MGAT5: variants seen among roughly 807,000 people sequenced by gnomAD.
MGAT5 encodes the protein alpha-1,6-mannosylglycoprotein 6-beta-N-acetylglucosaminyltransferase A.
MGAT5 carries 30 observed loss-of-function variants against 94.3 expected under a neutral mutation model. That is an observed-to-expected ratio of 0.32 (90% CI 0.24 to 0.43). MGAT5 has a LOEUF of 0.43. Ranked by LOEUF, MGAT5 falls within the 20% of genes least tolerant of loss-of-function variation. The pLI is 1.00. For missense variants in MGAT5, 691 were observed against 905.5 expected (o/e 0.76, Z 3.04); for synonymous variants, 310 against 322.9 (o/e 0.96, Z 0.43).
At chr2:134,422,731 G>A in intron 12 of MGAT5, 72 bp from the exon 13 acceptor site, 1 of 1,110,330 alleles carries the variant, frequency 9.0e-7, no homozygotes, top group South Asian at 1.3e-5. Flanking sequence ...ACCATAAAAA[G>A]CATAGCACTC....
chr2:134,247,375 CAAAA>C (rs71398602), intron 1 of MGAT5, among the ~76,000 whole-genome samples: 1 of 122,442 alleles, frequency 8.2e-6, no homozygotes, highest in African/African-American at 3.5e-5. Context: ...AAAAAAAAAA[CAAAA>C]AAAAAACGTA....
chr2:134,331,592 A>C (rs1207855068), intron 4 of MGAT5, among the ~76,000 whole-genome samples: 1 of 152,058 alleles, frequency 6.6e-6, no homozygotes, highest in Non-Finnish European at 1.5e-5. Flanking sequence ...AGGCCATAAA[A>C]GCTGGGTAGA....
intron 1 of MGAT5, among the ~76,000 whole-genome samples, chr2:134,125,505 C>T (rs1685801865): frequency 6.6e-6 from 1 of 152,182 alleles, no homozygotes; most frequent in South Asian, 2.1e-4. Context: ...TAGCTGAGGT[C>T]ACCGAGGTGC....
intron 11 of MGAT5, among the ~76,000 whole-genome samples, 200 bp downstream of exon 11, chr2:134,403,337 C>A (rs1683162479): frequency 6.6e-6 from 1 of 152,036 alleles, no homozygotes; most frequent in Admixed American, 6.5e-5. Context: ...TTGATTTATT[C>A]AAAAATCGTA....
At chr2:134,221,395 C>T (rs1490327505) in intron 1 of MGAT5, among the ~76,000 whole-genome samples, 2 of 152,114 alleles carry the variant, frequency 1.3e-5, no homozygotes, top group African/African-American at 2.4e-5. Context: ...AAGAAATATT[C>T]AGGTTAAGGT....
chr2:134,131,504 A>C (rs1277327541), intron 1 of MGAT5, among the ~76,000 whole-genome samples: 5 of 152,132 alleles, frequency 3.3e-5, no homozygotes, highest in Admixed American at 2.0e-4. Flanking sequence ...CGTTAAAATA[A>C]TGTAAAACCT....
chr2:134,231,889 G>A (rs370189553), intron 1 of MGAT5, among the ~76,000 whole-genome samples: 22 of 152,312 alleles, frequency 1.4e-4, no homozygotes, highest in African/African-American at 4.8e-4. Flanking sequence ...CACCCAGTGA[G>A]TTGAGGAAGA....
intron 1 of MGAT5, among the ~76,000 whole-genome samples, chr2:134,246,226 C>T (rs1682252958): frequency 6.7e-6 from 1 of 149,194 alleles, no homozygotes; most frequent in Non-Finnish European, 1.5e-5. Context: ...CTGTTCATAC[C>T]TATTTCTTGG....
At chr2:134,256,400 A>G (rs1682964935) in intron 1 of MGAT5, among the ~76,000 whole-genome samples, 1 of 151,900 alleles carries the variant, frequency 6.6e-6, no homozygotes, top group Non-Finnish European at 1.5e-5. Flanking sequence ...GAAGGGAAAG[A>G]GTTACAGCTC....
chr2:134,348,184 G>C (rs1413534156), intron 8 of MGAT5, among the ~76,000 whole-genome samples: 1 of 152,186 alleles, frequency 6.6e-6, no homozygotes, highest in Non-Finnish European at 1.5e-5. Context: ...GCTATTCAAA[G>C]AGCAACAAAA....
rs6711918 is a variant in MGAT5 at position 134,205,473 on chromosome 2, G to A, written c.-142-48789G>A. On this transcript the variant is annotated intron_variant, in intron 1 of 16. Transcript: ENST00000409645. ...AGGGGTGGGAAGGAGTGAAGAGAAC[G>A]TACACATGAGGGCTTAAGGGTCTTG... Among the ~76,000 whole-genome samples the A allele has an allele frequency of 7.4e-3, 1,130 of 152,280 alleles. 10 individuals carry two copies. Among genetic ancestry groups the A allele is most frequent in the African/African-American group, 0.026 (1,068 of 41,568 alleles).
At chr2:134,158,870 C>T (rs1011572104) in intron 1 of MGAT5, among the ~76,000 whole-genome samples, 5 of 152,186 alleles carry the variant, frequency 3.3e-5, no homozygotes, top group African/African-American at 1.2e-4. Flanking sequence ...TGAATCTGGG[C>T]TGTCTCACAT....
chr2:134,447,407 A>AT (rs1685849744), intron 15 of MGAT5, among the ~76,000 whole-genome samples: 1 of 152,230 alleles, frequency 6.6e-6, no homozygotes, highest in Admixed American at 6.5e-5. Flanking sequence ...CCACTTACTT[A>AT]GAGCTTGACT....
intron 1 of MGAT5, among the ~76,000 whole-genome samples, chr2:134,178,113 G>A (rs1172171263): frequency 2.6e-5 from 4 of 152,078 alleles, no homozygotes; most frequent in Non-Finnish European, 2.9e-5. Flanking sequence ...AAAAAAAGAG[G>A]TGAGATTTTG....
intron 4 of MGAT5, among the ~76,000 whole-genome samples, chr2:134,330,967 T>C (rs1406870675): frequency 6.6e-6 from 1 of 152,130 alleles, no homozygotes; most frequent in Non-Finnish European, 1.5e-5. Flanking sequence ...CATATATACA[T>C]TGGATTTATT....
intron 9 of MGAT5, among the ~76,000 whole-genome samples, chr2:134,355,615 T>A (rs139692723): frequency 6.6e-6 from 1 of 152,220 alleles, no homozygotes; most frequent in Non-Finnish European, 1.5e-5. Context: ...TCTCAGTAAA[T>A]AAATGCAAGA....
intron 1 of MGAT5, among the ~76,000 whole-genome samples, chr2:134,121,491 G>C (rs1685587663): frequency 1.3e-5 from 2 of 152,350 alleles, no homozygotes; most frequent in Admixed American, 6.5e-5. Context: ...GCGCAGAGGG[G>C]GTGCTTGGCT....
At chr2:134,430,984 G>T (rs558911707) in intron 14 of MGAT5, among the ~76,000 whole-genome samples, 8 of 152,338 alleles carry the variant, frequency 5.3e-5, no homozygotes, top group African/African-American at 1.9e-4. Flanking sequence ...GAGGACGGGG[G>T]AGAAATGGTA....
rs373358654 is a variant in MGAT5, at chr2:134,318,691, C to T, written c.525C>T (p.Asp175=). The T allele has an allele frequency of 6.2e-7, 1 of 1,613,600 alleles. No individual in the cohort carries two copies. Among genetic ancestry groups the T allele is most frequent in the African/African-American group, 1.3e-5 (1 of 75,026 alleles). ...DMWRSDPCYA[D]YGVDGSTCSF... ...GGCGTTCAGATCCCTGCTACGCAGACTATGGAGTGGATGGATCCACCTGCT... is the reference window on the plus strand; with the variant it reads ...GGCGTTCAGATCCCTGCTACGCAGATTATGGAGTGGATGGATCCACCTGCT... The change falls in exon 4 of 16, where the codon GAC becomes GAT. Residue 175 remains aspartate (D), a synonymous_variant. Transcript: ENST00000281923.
Sources: gnomAD v4.1 joint callset for allele counts (sites outside exome capture counted in the v4.1 genomes callset) on GRCh38, gnomAD v4.1.1 for gene constraint, MANE v1.5 for transcripts, NCBI Gene and HGNC (gene_info 2026-07-23, HGNC 2026-07-21) for gene names.